OCIAD2: variants seen among roughly 807,000 people sequenced by gnomAD.
OCIAD2 encodes the protein OCIA domain containing 2.
OCIAD2 carries 29 observed loss-of-function variants against 22.9 expected under a neutral mutation model. The ratio of observed to expected loss-of-function variants is 1.27; its 90% CI spans 0.94 to 1.73. The LOEUF is 1.73. Ranked by LOEUF, OCIAD2 falls within the 40% of genes most tolerant of loss-of-function variation. OCIAD2 has a pLI of 0.00. For missense variants in OCIAD2, 189 were observed against 180.3 expected (o/e 1.05, Z -0.28); for synonymous variants, 67 against 60.2 (o/e 1.11, Z -0.52).
At chr4:48,895,988 C>T (rs1781292724) in intron 4 of OCIAD2, among the ~76,000 whole-genome samples, 1 of 152,162 alleles carries the variant, frequency 6.6e-6, no homozygotes, top group East Asian at 1.9e-4. Context: ...GCCGAGATCA[C>T]ACCACTGCAC....
At chr4:48,889,114 G>A (rs1381693009) in intron 6 of OCIAD2, among the ~76,000 whole-genome samples, 1 of 152,188 alleles carries the variant, frequency 6.6e-6, no homozygotes, top group African/African-American at 2.4e-5. Context: ...AGATTTTCTA[G>A]TTTATTTGCA....
Position 48,894,001 on chromosome 4 carries a change from C to T in OCIAD2, c.265+5G>A. ...TTGGCTTGCTTTTTTATTTCTATGA[C>T]TTACGTGCAACTTTGGGCAATGATC... On this transcript the variant is annotated splice_donor_5th_base_variant and intron_variant, in intron 5 of 6. Coordinates refer to ENST00000508632, the MANE Select transcript of OCIAD2 (RefSeq NM_001014446.3). 1 of 1,514,750 alleles carries T rather than the reference C, an allele frequency of 6.6e-7. No individual in the cohort carries two copies. The highest frequency in any genetic ancestry group is 8.9e-7 in the Non-Finnish European group (1 of 1,125,342). 93.8% of individuals were successfully genotyped at this position (1,514,750 alleles called of 1,614,324 possible).
intron 2 of OCIAD2, among the ~76,000 whole-genome samples, chr4:48,900,282 C>T (rs1296132505): frequency 6.6e-6 from 1 of 152,148 alleles, no homozygotes; most frequent in Non-Finnish European, 1.5e-5. Flanking sequence ...TCACTCCCTT[C>T]GCCTGACTGG....
chr4:48,885,669 A>G, intron 6 of OCIAD2, 104 bp from the exon 7 acceptor site: 1 of 682,850 alleles, frequency 1.5e-6, no homozygotes. Flanking sequence ...TCTTTTTAAT[A>G]GAGATGTGGG....
At chr4:48,894,115 A>G (rs1781247299) in intron 4 of OCIAD2, 62 bp from the exon 5 acceptor site, 10 of 826,966 alleles carry the variant, frequency 1.2e-5, no homozygotes, top group Non-Finnish European at 1.7e-5. Flanking sequence ...TAAGTTATAA[A>G]TTATAAGTTA....
At chr4:48,889,336 C>T (rs559181649) in intron 6 of OCIAD2, among the ~76,000 whole-genome samples, 167 of 150,306 alleles carry the variant, frequency 1.1e-3, no homozygotes, top group Middle Eastern at 3.4e-3. Context: ...GTCTCTATCT[C>T]CTGAAAATTT....
chr4:48,891,500 C>T (rs1781177818), intron 6 of OCIAD2, among the ~76,000 whole-genome samples: 1 of 152,174 alleles, frequency 6.6e-6, no homozygotes, highest in Non-Finnish European at 1.5e-5. Flanking sequence ...GCCCTGGAAA[C>T]TAGTTACTTC....
intron 1 of OCIAD2, among the ~76,000 whole-genome samples, chr4:48,904,888 A>C (rs576247613): frequency 6.6e-6 from 1 of 152,318 alleles, no homozygotes; most frequent in South Asian, 2.1e-4. Flanking sequence ...GGATAAGACA[A>C]GATCACCGCT....
intron 1 of OCIAD2, among the ~76,000 whole-genome samples, chr4:48,905,986 G>C (rs564348345): frequency 2.8e-4 from 43 of 152,296 alleles, no homozygotes; most frequent in African/African-American, 1.0e-3. Flanking sequence ...GAGGATGAGG[G>C]ATACGTCCAT....
At chr4:48,903,576 TGACAGTTCATCTAA>T (rs1781463170) in intron 2 of OCIAD2, among the ~76,000 whole-genome samples, 1 of 151,806 alleles carries the variant, frequency 6.6e-6, no homozygotes, top group African/African-American at 2.4e-5. Flanking sequence ...CTTCAGTCAC[TGACAGTTCATCTAA>T]GAGTTAGTAA....
At chr4:48,894,924 GA>G (rs1781269806) in intron 4 of OCIAD2, among the ~76,000 whole-genome samples, 1 of 151,596 alleles carries the variant, frequency 6.6e-6, no homozygotes, top group South Asian at 2.1e-4. Flanking sequence ...GTAGAAAATG[GA>G]ACTAATGTTG....
At chr4:48,906,260 T>C (rs1781522369) in intron 1 of OCIAD2, among the ~76,000 whole-genome samples, 2 of 151,762 alleles carry the variant, frequency 1.3e-5, no homozygotes, top group South Asian at 4.2e-4. Flanking sequence ...GTTTCCTCAG[T>C]GGTGGGGAAG....
intron 2 of OCIAD2, among the ~76,000 whole-genome samples, chr4:48,901,769 G>T (rs950545500): frequency 6.6e-6 from 1 of 151,946 alleles, no homozygotes; most frequent in Admixed American, 6.6e-5. Context: ...TAGAGACAGG[G>T]TCTCGCTCTG....
intron 4 of OCIAD2, among the ~76,000 whole-genome samples, chr4:48,894,433 C>T (rs1389345584): frequency 6.6e-6 from 1 of 151,858 alleles, no homozygotes; most frequent in Admixed American, 6.6e-5. Flanking sequence ...GCGGAGGTTG[C>T]AGTGAGCTGA....
chr4:48,887,505 A>C (rs766716995), intron 6 of OCIAD2, among the ~76,000 whole-genome samples: 1 of 152,160 alleles, frequency 6.6e-6, no homozygotes, highest in Non-Finnish European at 1.5e-5. Context: ...ATCTTGAATA[A>C]ATTTTTGTAT....
At chr4:48,901,347 T>C (rs1372537650) in intron 2 of OCIAD2, among the ~76,000 whole-genome samples, 2 of 152,098 alleles carry the variant, frequency 1.3e-5, no homozygotes, top group African/African-American at 4.8e-5. Flanking sequence ...GTGTGCATAT[T>C]CTCACTGTGA....
At chr4:48,889,924 C>A (rs548091300) in intron 6 of OCIAD2, among the ~76,000 whole-genome samples, 1 of 152,026 alleles carries the variant, frequency 6.6e-6, no homozygotes, top group Admixed American at 6.6e-5. Flanking sequence ...TACTATACAG[C>A]CATAAAAAAG....
rs769164512 is a variant in OCIAD2 at position 48,897,792 on chromosome 4, A to G, written c.217+12T>C. 1.9e-6 allele frequency: 3 copies of G among 1,600,318 alleles called. No individual in the cohort carries two copies. Among genetic ancestry groups the G allele is most frequent in the Admixed American group, 1.7e-5 (1 of 59,942 alleles). On this transcript the variant is annotated intron_variant, in intron 4 of 6. Transcript: ENST00000508632. Reference sequence around the variant, plus strand: ...TCTGAAATTAGATTATTTAACAAATATTGAATCTTACCTTGGTAGACTAGT... The same window carrying G: ...TCTGAAATTAGATTATTTAACAAATGTTGAATCTTACCTTGGTAGACTAGT...
At chr4:48,905,455 CTG>C (rs1363093685) in intron 1 of OCIAD2, among the ~76,000 whole-genome samples, 5 of 150,698 alleles carry the variant, frequency 3.3e-5, no homozygotes, top group South Asian at 4.2e-4. Flanking sequence ...AAGGAAATGA[CTG>C]AGAAGGAATA....
Sources: allele counts gnomAD v4.1 joint callset (sites outside exome capture counted in the v4.1 genomes callset), GRCh38; gene constraint gnomAD v4.1.1; transcripts MANE v1.5; gene names NCBI Gene and HGNC (gene_info 2026-07-23, HGNC 2026-07-21).